RALGAPA2: variants seen among roughly 807,000 people sequenced by gnomAD.
RALGAPA2 encodes the protein ral GTPase-activating protein subunit alpha-2.
RALGAPA2 carries 139 observed loss-of-function variants against 230.4 expected under a neutral mutation model. That is an observed-to-expected ratio of 0.60 (90% CI 0.53 to 0.69). The LOEUF (loss-of-function observed/expected upper bound fraction) is 0.69. Ranked by LOEUF, RALGAPA2 falls within the 30% of genes least tolerant of loss-of-function variation. The pLI is 0.00. For synonymous variants in RALGAPA2, 847 were observed against 837.8 expected (o/e 1.01, Z -0.19); for missense variants, 2,163 against 2,276.0 (o/e 0.95, Z 1.01).
At chr20:20,638,027 A>T (rs2066915053) in intron 7 of RALGAPA2, among the ~76,000 whole-genome samples, 1 of 152,252 alleles carries the variant, frequency 6.6e-6, no homozygotes, top group Non-Finnish European at 1.5e-5. Context: ...TTCAAAGGCT[A>T]CGATAAACCA....
intron 24 of RALGAPA2, among the ~76,000 whole-genome samples, chr20:20,540,730 C>T (rs569681574): frequency 6.6e-6 from 1 of 152,018 alleles, no homozygotes; most frequent in Non-Finnish European, 1.5e-5. Flanking sequence ...TTTGAGTAGT[C>T]TCTATTGTGT....
chr20:20,615,747 T>C (rs537542212), intron 13 of RALGAPA2, among the ~76,000 whole-genome samples: 18 of 151,220 alleles, frequency 1.2e-4, no homozygotes, highest in African/African-American at 3.6e-4. Context: ...TGGTGAGTAT[T>C]ATAAAACACC....
intron 37 of RALGAPA2, among the ~76,000 whole-genome samples, chr20:20,438,161 A>G (rs1171927473): frequency 6.6e-6 from 1 of 152,238 alleles, no homozygotes; most frequent in African/African-American, 2.4e-5. Flanking sequence ...ATAGGAACAT[A>G]CCACAGTGAT....
At chr20:20,579,495 T>C (rs2064920222) in intron 20 of RALGAPA2, among the ~76,000 whole-genome samples, 1 of 152,152 alleles carries the variant, frequency 6.6e-6, no homozygotes, top group East Asian at 1.9e-4. Flanking sequence ...AACAAGAACA[T>C]GGAAAGAAAA....
rs1157146817 is a variant in RALGAPA2, at chr20:20,437,499, G to A, written c.5496-25351C>T. Among the ~76,000 whole-genome samples the A allele has an allele frequency of 7.9e-5, 12 of 152,184 alleles. No individual in the cohort carries two copies. Among genetic ancestry groups the A allele is most frequent in the Admixed American group, 1.3e-4 (2 of 15,282 alleles). On this transcript the variant is annotated intron_variant, in intron 37 of 39. Transcript: ENST00000202677. This position sits in a 1 kb window ranked among gnomAD's most constrained non-coding sequence, Gnocchi z 4.1. ...ATGGCTCCCACCTCACAGGAAAAGCGGAAGTCCTTACTGTGGCTGGCAAGG... is the reference window on the plus strand; with the variant it reads ...ATGGCTCCCACCTCACAGGAAAAGCAGAAGTCCTTACTGTGGCTGGCAAGG...
At chr20:20,629,728 G>C in intron 9 of RALGAPA2, 138 bp from the exon 10 acceptor site, 1 of 773,536 alleles carries the variant, frequency 1.3e-6, no homozygotes, top group Non-Finnish European at 2.1e-6. Flanking sequence ...AAACCAGCTT[G>C]AAGCACGATA....
At chr20:20,431,066 T>C (rs1410936) in intron 37 of RALGAPA2, among the ~76,000 whole-genome samples, 65,962 of 151,876 alleles carry the variant, frequency 0.43, 14,333 homozygotes, top group East Asian at 0.53. Flanking sequence ...TTTGGTGTGG[T>C]TGGGGGCTTT....
chr20:20,615,646 C>A (rs976867520), intron 13 of RALGAPA2, among the ~76,000 whole-genome samples: 1 of 152,154 alleles, frequency 6.6e-6, no homozygotes, highest in Non-Finnish European at 1.5e-5. Context: ...AAAATAATTG[C>A]TTTTCCAAAA....
chr20:20,611,798 A>G (rs1025688771), intron 13 of RALGAPA2, among the ~76,000 whole-genome samples: 3 of 152,166 alleles, frequency 2.0e-5, no homozygotes, highest in Non-Finnish European at 4.4e-5. Flanking sequence ...TTTGCTATCC[A>G]CTGTTTTACT....
intron 1 of RALGAPA2, among the ~76,000 whole-genome samples, chr20:20,690,637 C>A (rs2068869709): frequency 1.4e-5 from 2 of 147,682 alleles, no homozygotes; most frequent in South Asian, 4.6e-4. Context: ...AAGGCTGTTT[C>A]CTTTCAGCTG....
intron 13 of RALGAPA2, among the ~76,000 whole-genome samples, chr20:20,612,525 C>T (rs537008158): frequency 6.6e-6 from 1 of 152,310 alleles, no homozygotes; most frequent in East Asian, 1.9e-4. Context: ...CATAAAATTC[C>T]TCACAGTAAA....
At chr20:20,402,294 C>T (rs995133296) in intron 38 of RALGAPA2, among the ~76,000 whole-genome samples, 32 of 152,370 alleles carry the variant, frequency 2.1e-4, no homozygotes, top group African/African-American at 7.0e-4. Flanking sequence ...TGACAGTTCA[C>T]AGAGAGTCCT....
intron 37 of RALGAPA2, among the ~76,000 whole-genome samples, chr20:20,458,560 ATT>A (rs1491574753): frequency 7.4e-6 from 1 of 134,712 alleles, no homozygotes; most frequent in Non-Finnish European, 1.5e-5. Context: ...TTTTATATAT[ATT>A]ATATATATAA....
rs574673611 is a variant in RALGAPA2, at chr20:20,447,928, G to A, written c.5495+24901C>T. ...AATGTTAGAGAAGGGAGAGAAACAA[G>A]GGGGCATCATTCTGCCTTCCTTGTG... On this transcript the variant is annotated intron_variant, in intron 37 of 39. Coordinates refer to ENST00000202677, the MANE Select transcript of RALGAPA2 (RefSeq NM_020343.4). 3.3e-5 allele frequency among the ~76,000 whole-genome samples: 5 copies of A among 152,300 alleles called. No individual in the cohort carries two copies. The South Asian group carries it at 8.3e-4, about 25-fold the overall frequency.
intron 24 of RALGAPA2, among the ~76,000 whole-genome samples, chr20:20,545,706 T>C (rs2063758454): frequency 1.3e-5 from 2 of 152,238 alleles, no homozygotes; most frequent in African/African-American, 4.8e-5. Context: ...TAACAGCTTA[T>C]AGAGCACAAA....
At chr20:20,709,828 G>A (rs1218448257) in intron 1 of RALGAPA2, among the ~76,000 whole-genome samples, 4 of 152,104 alleles carry the variant, frequency 2.6e-5, no homozygotes, top group Non-Finnish European at 5.9e-5. Context: ...TTTAAATACA[G>A]ACTACTTTTT....
chr20:20,455,178 T>C (rs780928431), intron 37 of RALGAPA2, among the ~76,000 whole-genome samples: 38 of 152,338 alleles, frequency 2.5e-4, no homozygotes, highest in Non-Finnish European at 4.6e-4. Context: ...TCCCGTGTAA[T>C]GCCACCTAAG....
Position 20,391,059 on chromosome 20 carries a change from ACTAAAGC to A in RALGAPA2, c.*2223_*2229del, listed in dbSNP as rs1286145595. 1 of 152,212 alleles carries A rather than the reference ACTAAAGC, an allele frequency of 6.6e-6. No individual in the cohort carries two copies. Among genetic ancestry groups the A allele is most frequent in the Non-Finnish European group, 1.5e-5 (1 of 68,048 alleles). The allele number at this position is 152,212 out of a possible 1,614,324, so 9.4% of individuals were successfully genotyped here. On this transcript the variant is annotated 3_prime_UTR_variant, in exon 40 of 40. Transcript: ENST00000202677. ...TTCTAAATCCTGACATATCTTTTCT[ACTAAAGC>A]CAGCAATTCCGCAACAGGAGTTTCT...
At position 20,601,787 on chromosome 20, in the gene RALGAPA2, G is replaced by A. The variant is rs868064942; in HGVS notation, c.2098C>T (p.Arg700Trp). 1 of 1,613,204 alleles carries A rather than the reference G, an allele frequency of 6.2e-7. No homozygotes were observed. The highest frequency in any genetic ancestry group is 8.5e-7 in the Non-Finnish European group (1 of 1,179,424). Reference sequence around the variant, plus strand: ...GGTTCGGTCACATCTGGGTGGCTCCGCCAGCTGAGAGAAAAGGACCTCCCC... The same window carrying A: ...GGTTCGGTCACATCTGGGTGGCTCCACCAGCTGAGAGAAAAGGACCTCCCC... ...TVGRSFSLSWRSHPDVTEPMR... is the reference protein window; with the variant it reads ...TVGRSFSLSWWSHPDVTEPMR... Residue 700 changes from arginine to tryptophan, a missense_variant, in exon 16 of 40, where the codon CGG (arginine) becomes TGG (tryptophan). Transcript: ENST00000202677.
Sources: allele counts gnomAD v4.1 joint callset (sites outside exome capture counted in the v4.1 genomes callset), GRCh38; gene constraint gnomAD v4.1.1; non-coding constraint Gnocchi (gnomAD v3.1); transcripts MANE v1.5; gene names NCBI Gene and HGNC (gene_info 2026-07-23, HGNC 2026-07-21).